The following CDH19 variants were observed in gnomAD, a reference collection of about 807,000 sequenced individuals.
The protein encoded by CDH19 is cadherin-19.
A neutral mutation model predicts 64.2 loss-of-function variants in CDH19; 67 were observed. The observed-to-expected ratio is 1.04, with a 90% CI of 0.86 to 1.28. CDH19 has a LOEUF of 1.28. CDH19 is among the 50% of genes most tolerant of loss of function. The probability of loss-of-function intolerance (pLI) is 0.00; values close to 1 mark genes in which losing one functional copy is unlikely to be tolerated. For missense variants in CDH19, 1,030 were observed against 929.0 expected, an observed-to-expected ratio of 1.11 and a Z score of -1.41; for synonymous variants, 346 against 319.3, an observed-to-expected ratio of 1.08 and a Z score of -0.89.
At chr18:66,565,547 C>T (rs1253338556) in intron 3 of CDH19, among the ~76,000 whole-genome samples, 1 of 151,892 alleles carries the variant, frequency 6.6e-6, no homozygotes, top group Non-Finnish European at 1.5e-5. Flanking sequence ...TATTCAAAAA[C>T]TTAAATGGCC....
chr18:66,531,508 C>T (rs1986443935), intron 8 of CDH19, among the ~76,000 whole-genome samples: 1 of 152,054 alleles, frequency 6.6e-6, no homozygotes, highest in African/African-American at 2.4e-5. Flanking sequence ...GTCTCAGCTA[C>T]TTGGGAGGCT....
intron 9 of CDH19, among the ~76,000 whole-genome samples, chr18:66,523,249 C>T (rs1185467821): frequency 6.6e-6 from 1 of 152,050 alleles, no homozygotes; most frequent in Non-Finnish European, 1.5e-5. Flanking sequence ...GGGACAAAAC[C>T]ACATGATCAT....
At chr18:66,541,824 G>C (rs1309417231) in intron 7 of CDH19, among the ~76,000 whole-genome samples, 1 of 152,094 alleles carries the variant, frequency 6.6e-6, no homozygotes, top group East Asian at 1.9e-4. Context: ...ATTGAAGTAA[G>C]TAGACACCAA....
intron 1 of CDH19, among the ~76,000 whole-genome samples, chr18:66,581,812 G>T (rs1198847453): frequency 6.6e-6 from 1 of 151,958 alleles, no homozygotes; most frequent in Non-Finnish European, 1.5e-5. Flanking sequence ...ACTTCACCTT[G>T]TATCCGTGTG....
chr18:66,515,124 C>T (rs1424560377), intron 9 of CDH19, among the ~76,000 whole-genome samples: 3 of 151,506 alleles, frequency 2.0e-5, no homozygotes, highest in Non-Finnish European at 1.5e-5. Context: ...AAATGCTTCT[C>T]AATAGAAAAA....
chr18:66,594,537 C>A lies in CDH19; in HGVS notation c.-113+9417G>T, dbSNP rs540513015. Among the ~76,000 whole-genome samples the A allele has an allele frequency of 1.1e-4, 16 of 151,962 alleles. 2 individuals are homozygous for A. In the South Asian group the frequency reaches 3.1e-3, roughly 30 times the overall value. On this transcript the variant is annotated intron_variant, in intron 1 of 11. Transcript: ENST00000262150. Reference sequence around the variant, plus strand: ...GCCATAAAGCAATTCTCAACATGTTCAAAAAGCCCAAAGTCATACGAATCA... The same window carrying A: ...GCCATAAAGCAATTCTCAACATGTTAAAAAAGCCCAAAGTCATACGAATCA...
chr18:66,505,188 T>C lies in CDH19; in HGVS notation c.1943A>G (p.Glu648Gly). The C allele has an allele frequency of 6.2e-7, 1 of 1,613,268 alleles. No homozygotes were observed. The highest frequency in any genetic ancestry group is 8.5e-7 in the Non-Finnish European group (1 of 1,179,534). Residue 648 changes from glutamate (E) to glycine (G), a missense_variant, in exon 12 of 12, where the codon GAA (glutamate) becomes GGA (glycine). Physicochemically the swap from Glu to Gly is moderately conservative, Grantham distance 98. Coordinates refer to ENST00000262150, the MANE Select transcript of CDH19 (RefSeq NM_021153.4). ...TATATCAAAGGCCTCTGTATCTTCTTCTCCACCCCCTTCATCATCATATTG... is the reference window on the plus strand; with the variant it reads ...TATATCAAAGGCCTCTGTATCTTCTCCTCCACCCCCTTCATCATCATATTG... ...IFQYDDEGGG[E>G]EDTEAFDIAE... is the part of the protein sequence containing the mutation.
chr18:66,564,413 G>A (rs1987830662), intron 3 of CDH19, among the ~76,000 whole-genome samples: 1 of 151,778 alleles, frequency 6.6e-6, no homozygotes, highest in Non-Finnish European at 1.5e-5. Flanking sequence ...AAAAGGAAAT[G>A]GTTATTGCAA....
chr18:66,534,406 T>A (rs1359936088), intron 8 of CDH19, among the ~76,000 whole-genome samples: 1 of 151,950 alleles, frequency 6.6e-6, no homozygotes, highest in Non-Finnish European at 1.5e-5. Flanking sequence ...ATCTGCTCCC[T>A]GCCTCAACAA....
At chr18:66,552,288 A>T (rs558235560) in intron 4 of CDH19, among the ~76,000 whole-genome samples, 5 of 152,172 alleles carry the variant, frequency 3.3e-5, no homozygotes, top group African/African-American at 1.2e-4. Context: ...CTGATTTCAA[A>T]GACTGAGAAC....
intron 1 of CDH19, among the ~76,000 whole-genome samples, chr18:66,588,372 C>T (rs903175885): frequency 1.3e-5 from 2 of 151,952 alleles, no homozygotes; most frequent in African/African-American, 4.8e-5. Flanking sequence ...TTGTAAAGTA[C>T]ATGATCATCA....
intron 4 of CDH19, 25 bp from the exon 5 acceptor site, chr18:66,551,283 A>G (rs758054073): frequency 1.8e-6 from 2 of 1,114,128 alleles, no homozygotes; most frequent in East Asian, 4.8e-5. Flanking sequence ...TAAAATTCCA[A>G]TTATTTCATT....
intron 4 of CDH19, among the ~76,000 whole-genome samples, chr18:66,552,345 G>A (rs1987373428): frequency 1.3e-5 from 2 of 151,968 alleles, no homozygotes; most frequent in Non-Finnish European, 1.5e-5. Context: ...TGTTGAAATG[G>A]TAGTATTTTT....
chr18:66,599,912 A>T (rs1988997231), intron 1 of CDH19, among the ~76,000 whole-genome samples: 1 of 151,986 alleles, frequency 6.6e-6, no homozygotes, highest in Admixed American at 6.6e-5. Context: ...TATACGTCCA[A>T]GGGTTGTATG....
At chr18:66,521,574 T>C (rs1036697038) in intron 9 of CDH19, among the ~76,000 whole-genome samples, 1 of 151,812 alleles carries the variant, frequency 6.6e-6, no homozygotes, top group Non-Finnish European at 1.5e-5. Flanking sequence ...GTCCTCACTC[T>C]GTCCAGGCTA....
At chr18:66,569,515 C>G (rs911591366) in intron 2 of CDH19, among the ~76,000 whole-genome samples, 4 of 151,598 alleles carry the variant, frequency 2.6e-5, no homozygotes, top group Non-Finnish European at 4.4e-5. Context: ...AAACTTTCTT[C>G]TCAATATATT....
At chr18:66,566,404 T>TA (rs1176098248) in intron 3 of CDH19, among the ~76,000 whole-genome samples, 1 of 151,736 alleles carries the variant, frequency 6.6e-6, no homozygotes, top group East Asian at 1.9e-4. Context: ...TTTCCTTTCT[T>TA]AAAAAACAAT....
Position 66,505,105 on chromosome 18 carries a change from C to G in CDH19, c.2026G>C (p.Ala676Pro), listed in dbSNP as rs780031462. The G allele has an allele frequency of 2.5e-6, 4 of 1,613,400 alleles. No homozygotes were observed. The highest frequency in any genetic ancestry group is 3.4e-6 in the Non-Finnish European group (4 of 1,179,714). The change falls in exon 12 of 12, where the codon GCT (alanine) becomes CCT (proline). Residue 676 changes from alanine (A) to proline (P), a missense_variant. Coordinates refer to ENST00000262150, the MANE Select transcript of CDH19 (RefSeq NM_021153.4). ...TGCCTGTATAGGCTCCTGATCTCAG[C>G]GCTTGTGGTTTTCCGAGTCTTGCGT... ...RERKTRKTTS[A>P]EIRSLYRQSL... is the part of the protein sequence containing the mutation.
chr18:66,580,037 A>G (rs1404251237), intron 1 of CDH19, among the ~76,000 whole-genome samples: 1 of 152,038 alleles, frequency 6.6e-6, no homozygotes, highest in Non-Finnish European at 1.5e-5. Context: ...GTATTTGGAT[A>G]GTTGTTCTTT....
Sources: gnomAD v4.1 joint callset for allele counts (sites outside exome capture counted in the v4.1 genomes callset) on GRCh38, gnomAD v4.1.1 for gene constraint, MANE v1.5 for transcripts, NCBI Gene and HGNC (gene_info 2026-07-23, HGNC 2026-07-21) for gene names.